Variants in CHURC1 observed in about 807,000 individuals in gnomAD.
CHURC1 encodes the protein protein Churchill.
Under a neutral mutation model 15.4 loss-of-function variants are expected in CHURC1, and 12 were observed. The ratio of observed to expected loss-of-function variants is 0.78; its 90% CI spans 0.50 to 1.27. The LOEUF (loss-of-function observed/expected upper bound fraction) is 1.27, where lower values mean the gene tolerates loss of function less well. Ranked by LOEUF, CHURC1 falls within the 50% of genes most tolerant of loss-of-function variation. CHURC1 has a pLI of 0.00. For missense variants in CHURC1, 132 were observed against 137.8 expected (o/e 0.96, Z 0.21); for synonymous variants, 42 against 47.5 (o/e 0.88, Z 0.48).
intron 1 of CHURC1, among the ~76,000 whole-genome samples, chr14:64,916,381 G>T (rs748777791): frequency 3.9e-5 from 6 of 151,996 alleles, no homozygotes; most frequent in Non-Finnish European, 8.8e-5. Context: ...TTTGGGTGGT[G>T]GTTCTACAGA....
chr14:64,925,117 CAGTCGTCTTGCT>C (rs1481845497), intron 2 of CHURC1, among the ~76,000 whole-genome samples: 6 of 152,188 alleles, frequency 3.9e-5, no homozygotes, highest in Non-Finnish European at 7.3e-5. Flanking sequence ...CATCCTGGCT[CAGTCGTCTTGCT>C]AGTTACTTAA....
chr14:64,934,944 A>G lies in CHURC1; in HGVS notation c.*2714A>G, dbSNP rs1253649252. The G allele has an allele frequency of 1.0e-6, 1 of 984,158 alleles. No homozygotes were observed. Among genetic ancestry groups the G allele is most frequent in the East Asian group, 1.1e-4 (1 of 8,822 alleles). 61.0% of individuals were successfully genotyped at this position (984,158 alleles called of 1,614,324 possible). A position where few individuals can be genotyped will look rare whatever the true frequency, so the allele number is the denominator to read the frequency against. On this transcript the variant is annotated 3_prime_UTR_variant, in exon 4 of 4. Transcript: ENST00000549115. ...ATTGTGCTGTGTTTTGTGATATTTT[A>G]TCATTTTCTAGATTCTTATGTGGAT...
chr14:64,916,939 G>C (rs1329965234), intron 1 of CHURC1, among the ~76,000 whole-genome samples: 1 of 152,174 alleles, frequency 6.6e-6, no homozygotes, highest in Non-Finnish European at 1.5e-5. Flanking sequence ...GAGAAGTTTA[G>C]AGTTTACATT....
chr14:64,923,787 C>CT (rs60825476), intron 1 of CHURC1, among the ~76,000 whole-genome samples: 1,593 of 76,980 alleles, frequency 0.021, 14 homozygotes, highest in Middle Eastern at 0.028. Flanking sequence ...ACTTTAGTTG[C>CT]TTTTTTTTTT....
At chr14:64,914,639 CT>C in intron 1 of CHURC1, 105 bp downstream of exon 1, 1 of 1,573,514 alleles carries the variant, frequency 6.4e-7, no homozygotes. Context: ...CTCGGCCGCA[CT>C]GCCGGTCCCG....
rs1444315132 is a variant in CHURC1, at chr14:64,934,457, GAAAT to G, written c.*2229_*2232del. On this transcript the variant is annotated 3_prime_UTR_variant, in exon 4 of 4. Coordinates refer to ENST00000549115, the MANE Select transcript of CHURC1 (RefSeq NM_001386928.1). ...CTCAGTAATTATGTTTGGCAAATAT[GAAAT>G]ACAAGGATCTGGCAAGGTTAGGAAG... The G allele has an allele frequency of 8.4e-5, 83 of 985,308 alleles. No homozygotes were observed. The highest frequency in any genetic ancestry group is 9.9e-5 in the Non-Finnish European group (82 of 829,918). 61.0% of individuals were successfully genotyped at this position (985,308 alleles called of 1,614,324 possible). A position where few individuals can be genotyped will look rare whatever the true frequency, so the allele number is the denominator to read the frequency against.
intron 1 of CHURC1, among the ~76,000 whole-genome samples, chr14:64,922,471 G>A (rs1285164807): frequency 6.6e-6 from 1 of 151,370 alleles, no homozygotes; most frequent in African/African-American, 2.4e-5. Flanking sequence ...CCAGCTACTT[G>A]GGAAGCTGAA....
At chr14:64,919,209 CA>C (rs1357684266) in intron 1 of CHURC1, among the ~76,000 whole-genome samples, 2 of 151,978 alleles carry the variant, frequency 1.3e-5, no homozygotes, top group Non-Finnish European at 2.9e-5. Context: ...AAATTGTAAT[CA>C]AATATTTTTC....
chr14:64,929,776 TTC>T (rs2139914907), intron 3 of CHURC1, among the ~76,000 whole-genome samples: 1 of 152,302 alleles, frequency 6.6e-6, no homozygotes, highest in East Asian at 1.9e-4. Context: ...AAGATAAGTA[TTC>T]TGTTTTTAAA....
chr14:64,925,745 C>T (rs900360782), intron 2 of CHURC1, among the ~76,000 whole-genome samples: 4 of 131,532 alleles, frequency 3.0e-5, no homozygotes, highest in Admixed American at 7.4e-5. Flanking sequence ...TTTAAAAATA[C>T]ACTTAAATAT....
At chr14:64,929,065 ACCATAAC>A (rs932124929) in intron 3 of CHURC1, among the ~76,000 whole-genome samples, 1 of 151,912 alleles carries the variant, frequency 6.6e-6, no homozygotes, top group African/African-American at 2.4e-5. Flanking sequence ...CATGTCAAGG[ACCATAAC>A]CATTGAAGGC....
chr14:64,926,052 A>G lies in CHURC1; in HGVS notation c.218A>G (p.Tyr73Cys). Residue 73 changes from tyrosine (Y) to cysteine (C), a missense_variant, in exon 3 of 4, where the codon TAT becomes TGT. Tyr to Cys is a radical substitution (Grantham distance 194, BLOSUM62 -2). Coordinates refer to ENST00000549115, the MANE Select transcript of CHURC1 (RefSeq NM_001386928.1). The stretch of plus-strand genomic sequence containing the variant: ...CATCATGTAATAGCCAGACATGAGT[A>G]TACATTCAGTATCATGGATGAATTT... The part of the protein sequence containing the change: ...NCHHVIARHE[Y>C]TFSIMDEFQE... 6.2e-7 allele frequency: 1 copy of G among 1,603,364 alleles called. No homozygotes were observed. Among genetic ancestry groups the G allele is most frequent in the Non-Finnish European group, 8.5e-7 (1 of 1,175,558 alleles).
intron 3 of CHURC1, among the ~76,000 whole-genome samples, chr14:64,928,487 C>CA (rs1248702811): frequency 6.6e-6 from 1 of 152,162 alleles, no homozygotes; most frequent in East Asian, 1.9e-4. Flanking sequence ...TGGGCTCAAA[C>CA]AGTCCTCCTG....
At chr14:64,922,292 T>A (rs1884358108) in intron 1 of CHURC1, among the ~76,000 whole-genome samples, 2 of 151,616 alleles carry the variant, frequency 1.3e-5, no homozygotes, top group Non-Finnish European at 2.9e-5. Flanking sequence ...AAAAAAAAAA[T>A]CAAAGGCTGG....
At chr14:64,914,650 G>T in intron 1 of CHURC1, 116 bp downstream of exon 1, 1 of 1,560,294 alleles carries the variant, frequency 6.4e-7, no homozygotes, top group Non-Finnish European at 8.7e-7. Context: ...TGCCGGTCCC[G>T]GTGACCCAGT....
At chr14:64,924,222 A>T (rs1884523747) in intron 2 of CHURC1, 96 bp downstream of exon 2, 7 of 1,393,918 alleles carry the variant, frequency 5.0e-6, no homozygotes, top group Non-Finnish European at 6.6e-6. Context: ...CTATTTCAAT[A>T]TTGTATTGCG....
At chr14:64,917,071 C>A (rs1034981880) in intron 1 of CHURC1, among the ~76,000 whole-genome samples, 1 of 152,146 alleles carries the variant, frequency 6.6e-6, no homozygotes, top group Non-Finnish European at 1.5e-5. Context: ...AAAGACAGAA[C>A]TCCACAGGGC....
At chr14:64,923,790 T>C (rs939311174) in intron 1 of CHURC1, among the ~76,000 whole-genome samples, 6 of 148,796 alleles carry the variant, frequency 4.0e-5, no homozygotes, top group Non-Finnish European at 7.5e-5. Context: ...TTAGTTGCTT[T>C]TTTTTTTTTT....
chr14:64,924,066 A>G lies in CHURC1; in HGVS notation c.115A>G (p.Met39Val), dbSNP rs765051322. The G allele has an allele frequency of 5.0e-6, 8 of 1,608,400 alleles. No individual in the cohort carries two copies. The highest frequency in any genetic ancestry group is 4.4e-5 in the South Asian group (4 of 89,964). Reference protein sequence around the residue: ...GCAVCSKRDFMLITNKSLKEE... With the variant: ...GCAVCSKRDFVLITNKSLKEE... ...TGCAGTGTGCAGTAAGCGGGATTTT[A>G]TGCTGATCACAAACAAATCCTTGAA... The change falls in exon 2 of 4, where the codon ATG (methionine) becomes GTG (valine). Residue 39 changes from methionine to valine, a missense_variant. Met to Val is a conservative substitution (Grantham distance 21, BLOSUM62 1). Transcript: ENST00000549115.
Sources: gnomAD v4.1 joint callset for allele counts (sites outside exome capture counted in the v4.1 genomes callset) on GRCh38, gnomAD v4.1.1 for gene constraint, MANE v1.5 for transcripts, NCBI Gene and HGNC (gene_info 2026-07-23, HGNC 2026-07-21) for gene names.